Variants in PLEKHG5 observed in about 807,000 individuals in gnomAD.
PLEKHG5 encodes pleckstrin homology domain-containing family G member 5.
PLEKHG5 carries 52 observed loss-of-function variants against 103.8 expected under a neutral mutation model. The ratio of observed to expected loss-of-function variants is 0.50; its 90% CI spans 0.40 to 0.63. The LOEUF is 0.63. PLEKHG5 is among the 30% of genes least tolerant of loss of function. The pLI, the probability that PLEKHG5 is intolerant of heterozygous loss-of-function variation, is 0.00. For missense variants in PLEKHG5, 1,205 were observed against 1,347.6 expected, an observed-to-expected ratio of 0.89 and a Z score of 1.66; for synonymous variants, 592 against 575.5, an observed-to-expected ratio of 1.03 and a Z score of -0.41.
intron 1 of PLEKHG5, among the ~76,000 whole-genome samples, chr1:6,511,705 G>C (rs980308699): frequency 2.0e-5 from 3 of 152,242 alleles, no homozygotes; most frequent in African/African-American, 7.2e-5. Flanking sequence ...TGGGCCGGCA[G>C]AGCCATGCAG....
rs761766664 is a variant in PLEKHG5, at chr1:6,470,649, G to A, written c.1543-6C>T. The A allele has an allele frequency of 6.4e-7, 1 of 1,564,900 alleles. No individual in the cohort carries two copies. Among genetic ancestry groups the A allele is most frequent in the Non-Finnish European group, 8.6e-7 (1 of 1,160,514 alleles). ...AAGCGCTCCACGGAGCCGATCTAGG[G>A]GCAGGTGAGGGAGCTTCAGGTCCAG... is the stretch of plus-strand genomic sequence containing the variant. On this transcript the variant is annotated splice_region_variant and splice_polypyrimidine_tract_variant and intron_variant, in intron 14 of 20. Coordinates refer to ENST00000377728, the MANE Select transcript of PLEKHG5 (RefSeq NM_020631.6).
At chr1:6,468,936 T>C (rs1644479436) in intron 19 of PLEKHG5, 106 bp downstream of exon 19, 3 of 978,982 alleles carry the variant, frequency 3.1e-6, no homozygotes, top group South Asian at 1.3e-5. Context: ...ACAGTGTTCA[T>C]GACAAGAGGC....
rs765319147 is a variant in PLEKHG5 at position 6,469,617 on chromosome 1, C to T, written c.1860G>A (p.Lys620=). 6.2e-6 allele frequency: 10 copies of T among 1,613,818 alleles called. No homozygotes were observed. The South Asian group carries it at 7.7e-5, about 12-fold the overall frequency. ...GCCTGATGACCCTGGTCCTCTCTGC[C>T]TTCTTCACTGCTTTGGTCACCAACA... ...DLLLVTKAVK[K]AERTRVIRPP... is the part of the protein sequence containing the mutation. Residue 620 remains lysine, a synonymous_variant, in exon 17 of 21, where the codon AAG becomes AAA. Coordinates refer to ENST00000377728, the MANE Select transcript of PLEKHG5 (RefSeq NM_020631.6).
chr1:6,493,146 A>G (rs1645175364), upstream of PLEKHG5, among the ~76,000 whole-genome samples: 1 of 152,160 alleles, frequency 6.6e-6, no homozygotes, highest in African/African-American at 2.4e-5. Flanking sequence ...CAAATAAAAC[A>G]TCAAGGGTGG....
rs1341478915 is a variant in PLEKHG5, at chr1:6,473,184, T to C, written c.796-10A>G. On this transcript the variant is annotated splice_polypyrimidine_tract_variant and intron_variant, in intron 8 of 20. Coordinates refer to ENST00000377728, the MANE Select transcript of PLEKHG5 (RefSeq NM_020631.6). ...CCATCTTGTCTACCTCCTGGAAAGA[T>C]ACCCTGGTCAGGGTCAGGGGTCATG... 6.2e-7 allele frequency: 1 copy of C among 1,613,530 alleles called. No individual in the cohort carries two copies.
chr1:6,473,976 T>TGGC, intron 7 of PLEKHG5, 37 bp downstream of exon 7: 12 of 1,265,548 alleles, frequency 9.5e-6, no homozygotes, highest in African/African-American at 1.5e-5. Flanking sequence ...CTGGGCCCCT[T>TGGC]CCCACCCCCT....
chr1:6,516,743 ATGTG>A lies in PLEKHG5; in HGVS notation c.-165+2698_-165+2701del, dbSNP rs1218232507. ...CATATATATATATGTGTGTATATAT[ATGTG>A]TGTGTGTATATATATATGTGTATAT... is the stretch of plus-strand genomic sequence containing the variant. On this transcript the variant is annotated intron_variant, in intron 1 of 21. Transcript: ENST00000377740. 6.3e-5 allele frequency among the ~76,000 whole-genome samples: 8 copies of A among 127,434 alleles called. No individual in the cohort carries two copies. In the East Asian group the frequency reaches 1.8e-3, roughly 28 times the overall value. 83.6% of individuals were successfully genotyped at this position (127,434 alleles called of 152,430 possible).
upstream of PLEKHG5, among the ~76,000 whole-genome samples, chr1:6,499,665 C>T (rs74049595): frequency 0.055 from 8,333 of 152,188 alleles, 656 homozygotes; most frequent in African/African-American, 0.17. Context: ...CACCATAGGC[C>T]TGTCATGAGC....
intron 1 of PLEKHG5, among the ~76,000 whole-genome samples, chr1:6,508,340 C>T (rs1273768403): frequency 6.6e-6 from 1 of 152,206 alleles, no homozygotes; most frequent in Non-Finnish European, 1.5e-5. Flanking sequence ...AAATGTGCCT[C>T]CTGCCTCCCA....
chr1:6,478,025 C>T (rs925166517), intron 1 of PLEKHG5, among the ~76,000 whole-genome samples: 2 of 152,114 alleles, frequency 1.3e-5, no homozygotes, highest in African/African-American at 2.4e-5. Context: ...GGATTACAGG[C>T]GCACACCACC....
Position 6,505,505 on chromosome 1 carries a change from C to T in PLEKHG5, c.-164-8936G>A, listed in dbSNP as rs992813559. ...TCACCCCCAGGAGCAGTCCAACGTCCCACCCCTCTAAACACAAGCCACGGG... is the reference window on the plus strand; with the variant it reads ...TCACCCCCAGGAGCAGTCCAACGTCTCACCCCTCTAAACACAAGCCACGGG... On this transcript the variant is annotated intron_variant, in intron 1 of 21. Coordinates refer to the PLEKHG5 transcript ENST00000377740. The surrounding 1 kb of genome is among the most constrained non-coding windows in gnomAD (Gnocchi z 4.2). 6.6e-6 allele frequency among the ~76,000 whole-genome samples: 1 copy of T among 152,154 alleles called. No individual in the cohort carries two copies. The highest frequency in any genetic ancestry group is 2.4e-5 in the African/African-American group (1 of 41,434).
At chr1:6,504,312 C>T (rs1638238873) in intron 1 of PLEKHG5, among the ~76,000 whole-genome samples, 2 of 152,296 alleles carry the variant, frequency 1.3e-5, no homozygotes, top group South Asian at 4.1e-4. Flanking sequence ...GTGCTGCCTC[C>T]CGCATCCCCA....
At chr1:6,500,763 G>A (rs573583034), upstream of PLEKHG5, among the ~76,000 whole-genome samples, 5 of 151,938 alleles carry the variant, frequency 3.3e-5, no homozygotes, top group African/African-American at 7.2e-5. Context: ...CTGAGCTCCC[G>A]CCACTGCATG....
At chr1:6,503,964 C>T (rs895337241) in intron 1 of PLEKHG5, among the ~76,000 whole-genome samples, 1 of 151,478 alleles carries the variant, frequency 6.6e-6, no homozygotes, top group Non-Finnish European at 1.5e-5. Flanking sequence ...CCAGGGAGGG[C>T]CTGCCTCTGC....
At position 6,467,359 on chromosome 1, in the gene PLEKHG5, G is replaced by A. The variant is rs1258830495; in HGVS notation, c.*204C>T. 1.4e-6 allele frequency: 1 copy of A among 699,648 alleles called. No homozygotes were observed. Among genetic ancestry groups the A allele is most frequent in the Non-Finnish European group, 2.6e-6 (1 of 383,416 alleles). 43.3% of individuals were successfully genotyped at this position (699,648 alleles called of 1,614,324 possible). A position where few individuals can be genotyped will look rare whatever the true frequency, so the allele number is the denominator to read the frequency against. ...TAGGTGACGAGGGGCTGCCTGGGCA[G>A]GTGGGGTGGTACTGTGGCCTGGGCC... On this transcript the variant is annotated 3_prime_UTR_variant, in exon 21 of 21. Coordinates refer to ENST00000377728, the MANE Select transcript of PLEKHG5 (RefSeq NM_020631.6).
rs1206817646 is a variant in PLEKHG5, at chr1:6,505,513, C to T, written c.-164-8944G>A. On this transcript the variant is annotated intron_variant, in intron 1 of 21. Coordinates refer to the PLEKHG5 transcript ENST00000377740. This position sits in a 1 kb window ranked among gnomAD's most constrained non-coding sequence, Gnocchi z 4.2. ...AGGAGCAGTCCAACGTCCCACCCCT[C>T]TAAACACAAGCCACGGGGCTCAGCG... is the stretch of plus-strand genomic sequence containing the variant. Among the ~76,000 whole-genome samples the T allele has an allele frequency of 6.6e-6, 1 of 152,212 alleles. No individual in the cohort carries two copies. The highest frequency in any genetic ancestry group is 1.5e-5 in the Non-Finnish European group (1 of 68,044).
intron 1 of PLEKHG5, among the ~76,000 whole-genome samples, chr1:6,504,194 C>T (rs952082254): frequency 6.6e-6 from 1 of 152,108 alleles, no homozygotes; most frequent in African/African-American, 2.4e-5. Context: ...GCAGCCTGCC[C>T]CCGATCCCAC....
chr1:6,481,423 C>T (rs761769222), intron 1 of PLEKHG5, among the ~76,000 whole-genome samples: 7 of 151,754 alleles, frequency 4.6e-5, no homozygotes, highest in Non-Finnish European at 8.8e-5. Context: ...CCCAGCTACG[C>T]GGGAGGCTGA....
Position 6,468,458 on chromosome 1 carries a change from G to GC in PLEKHG5, c.2377dup (p.Ala793GlyfsTer9), listed in dbSNP as rs753593088. The GC allele has an allele frequency of 2.4e-5, 38 of 1,613,058 alleles. No homozygotes were observed. The highest frequency in any genetic ancestry group is 3.1e-5 in the Non-Finnish European group (37 of 1,179,916). ...CTCACTGGTGGGCGTGGCAGATGAG[G>GC]CAGTGGTGCTGAGAGAGGTCTCATC... On this transcript the variant is annotated frameshift_variant, in exon 20 of 21. Coordinates refer to ENST00000377728, the MANE Select transcript of PLEKHG5 (RefSeq NM_020631.6). LOFTEE classifies it high-confidence loss of function.
Sources: gnomAD v4.1 joint callset for allele counts (sites outside exome capture counted in the v4.1 genomes callset) on GRCh38, gnomAD v4.1.1 for gene constraint, Gnocchi (gnomAD v3.1) non-coding constraint, MANE v1.5 for transcripts, NCBI Gene and HGNC (gene_info 2026-07-23, HGNC 2026-07-21) for gene names.